The following OPCML variants were observed in gnomAD, a reference collection of about 807,000 sequenced individuals.
The protein encoded by OPCML is opioid binding protein/cell adhesion molecule like.
In OPCML, 13 loss-of-function variants were observed where a neutral mutation model predicts 37.8. That is an observed-to-expected ratio of 0.34 (90% CI 0.22 to 0.55). The LOEUF (loss-of-function observed/expected upper bound fraction) is 0.55. Among genes scored for constraint, OPCML ranks in the 20% least tolerant of loss-of-function variants. The pLI, the probability that OPCML is intolerant of heterozygous loss-of-function variation, is 0.91. For missense variants in OPCML, 341 were observed against 435.6 expected, an observed-to-expected ratio of 0.78 and a Z score of 1.93; for synonymous variants, 176 against 168.8, an observed-to-expected ratio of 1.04 and a Z score of -0.33.
intron 2 of OPCML, among the ~76,000 whole-genome samples, chr11:132,792,138 C>T (rs1421195387): frequency 6.6e-6 from 1 of 152,126 alleles, no homozygotes; most frequent in Non-Finnish European, 1.5e-5. Context: ...GTTTTGTTTT[C>T]ATTTGCTTTA....
At chr11:133,514,193 G>A (rs888587263) in intron 1 of OPCML, among the ~76,000 whole-genome samples, 1 of 152,214 alleles carries the variant, frequency 6.6e-6, no homozygotes, top group Non-Finnish European at 1.5e-5. Context: ...GGGATCATGA[G>A]AGGCTTTGAT....
intron 1 of OPCML, among the ~76,000 whole-genome samples, chr11:133,255,816 AG>A (rs1941293766): frequency 6.6e-6 from 1 of 152,178 alleles, no homozygotes; most frequent in South Asian, 2.1e-4. Context: ...GGCAGTAGAA[AG>A]GATACTTTCA....
At chr11:132,575,528 A>T (rs2096448379) in intron 3 of OPCML, among the ~76,000 whole-genome samples, 1 of 151,958 alleles carries the variant, frequency 6.6e-6, no homozygotes, top group Non-Finnish European at 1.5e-5. Flanking sequence ...TCTGCACTTT[A>T]ACTTCTCCCC....
At chr11:133,176,500 G>A (rs1007868941) in intron 1 of OPCML, among the ~76,000 whole-genome samples, 2 of 151,982 alleles carry the variant, frequency 1.3e-5, no homozygotes, top group Non-Finnish European at 2.9e-5. Context: ...GTGGAGGTGG[G>A]GCCTGCTAGG....
At chr11:132,556,390 G>A (rs753858936) in intron 3 of OPCML, among the ~76,000 whole-genome samples, 1 of 152,038 alleles carries the variant, frequency 6.6e-6, no homozygotes, top group Admixed American at 6.6e-5. Flanking sequence ...AAACATTCAG[G>A]GTGTTTGCTT....
intron 1 of OPCML, among the ~76,000 whole-genome samples, chr11:133,371,166 C>A (rs1397456774): frequency 1.3e-5 from 2 of 152,066 alleles, no homozygotes; most frequent in African/African-American, 4.8e-5. Context: ...ATAACAGGTG[C>A]TGGTGAAGAT....
At chr11:133,231,024 G>T (rs1433997714) in intron 1 of OPCML, among the ~76,000 whole-genome samples, 1 of 152,188 alleles carries the variant, frequency 6.6e-6, no homozygotes, top group East Asian at 1.9e-4. Context: ...ATAATAAGGG[G>T]CTGTCTGCCT....
chr11:132,838,246 T>C (rs1391190965), intron 2 of OPCML, among the ~76,000 whole-genome samples: 1 of 152,170 alleles, frequency 6.6e-6, no homozygotes, highest in African/African-American at 2.4e-5. Flanking sequence ...CTTGCCCTCA[T>C]GGTATTAACG....
intron 1 of OPCML, among the ~76,000 whole-genome samples, chr11:133,048,497 G>C (rs906947681): frequency 6.6e-6 from 1 of 152,130 alleles, no homozygotes; most frequent in Non-Finnish European, 1.5e-5. Context: ...AATAGACAGA[G>C]AGCACCTACT....
At chr11:133,333,028 TTAG>T (rs928129324) in intron 1 of OPCML, among the ~76,000 whole-genome samples, 4 of 151,474 alleles carry the variant, frequency 2.6e-5, no homozygotes, top group African/African-American at 7.3e-5. Flanking sequence ...ATCTAATCTT[TTAG>T]TAGTAGTAGT....
At chr11:133,005,389 T>C (rs1315357562) in intron 1 of OPCML, 3 of 985,210 alleles carry the variant, frequency 3.0e-6, no homozygotes, top group Non-Finnish European at 3.6e-6. Flanking sequence ...CAGATATCTG[T>C]CTACATTAAT....
intron 1 of OPCML, among the ~76,000 whole-genome samples, chr11:133,113,691 A>G (rs907751754): frequency 2.6e-5 from 4 of 152,214 alleles, no homozygotes; most frequent in Admixed American, 2.6e-4. Flanking sequence ...GATAATGACT[A>G]AGGGCCAAAG....
At chr11:132,691,030 G>A (rs890884621) in intron 2 of OPCML, among the ~76,000 whole-genome samples, 9 of 152,212 alleles carry the variant, frequency 5.9e-5, no homozygotes, top group Admixed American at 1.3e-4. Context: ...TTGCATAGAA[G>A]GCACATAGAA....
chr11:132,553,634 T>C (rs1056969867), intron 3 of OPCML, among the ~76,000 whole-genome samples: 2 of 152,230 alleles, frequency 1.3e-5, no homozygotes, highest in African/African-American at 4.8e-5. Context: ...GAGATTCTTA[T>C]AACACTTTTA....
intron 1 of OPCML, among the ~76,000 whole-genome samples, chr11:133,253,511 T>C (rs1002021042): frequency 6.6e-6 from 1 of 152,162 alleles, no homozygotes; most frequent in Non-Finnish European, 1.5e-5. Context: ...GGTTTCACCA[T>C]GTTGGCCAGG....
chr11:132,869,351 A>T (rs1446436688), intron 2 of OPCML, among the ~76,000 whole-genome samples: 3 of 152,172 alleles, frequency 2.0e-5, no homozygotes, highest in Non-Finnish European at 4.4e-5. Flanking sequence ...CTTCCCACCA[A>T]AGTACATAAG....
intron 1 of OPCML, among the ~76,000 whole-genome samples, chr11:133,390,366 G>A (rs866090122): frequency 3.9e-5 from 6 of 152,178 alleles, no homozygotes; most frequent in Non-Finnish European, 8.8e-5. Context: ...GGGAGGCTGA[G>A]GCAGGAAAAT....
At chr11:132,604,546 G>A (rs1938147004) in intron 3 of OPCML, among the ~76,000 whole-genome samples, 1 of 152,190 alleles carries the variant, frequency 6.6e-6, no homozygotes, top group South Asian at 2.1e-4. Flanking sequence ...TTTCTAAGTG[G>A]AGGCCAGGCT....
At chr11:133,000,191 C>T (rs1355428747) in intron 1 of OPCML, among the ~76,000 whole-genome samples, 2 of 152,116 alleles carry the variant, frequency 1.3e-5, no homozygotes, top group Admixed American at 6.6e-5. Flanking sequence ...TGGCTCACTA[C>T]AACTTCCGCC....
Sources: gnomAD v4.1 joint callset for allele counts (sites outside exome capture counted in the v4.1 genomes callset) on GRCh38, gnomAD v4.1.1 for gene constraint, MANE v1.5 for transcripts, NCBI Gene and HGNC (gene_info 2026-07-23, HGNC 2026-07-21) for gene names.